BMP6: variants seen among roughly 807,000 people sequenced by gnomAD.
The protein encoded by BMP6 is VG-1-R.
BMP6 carries 17 observed loss-of-function variants against 54.1 expected under a neutral mutation model. The ratio of observed to expected loss-of-function variants is 0.31; its 90% CI spans 0.22 to 0.47. BMP6 has a LOEUF of 0.47. BMP6 is among the 20% of genes least tolerant of loss of function. The pLI is 1.00. For missense variants in BMP6, 720 were observed against 690.4 expected (o/e 1.04, Z -0.48); for synonymous variants, 328 against 291.2 (o/e 1.13, Z -1.28).
At chr6:7,842,367 T>C (rs2113251050) in intron 1 of BMP6, among the ~76,000 whole-genome samples, 1 of 152,292 alleles carries the variant, frequency 6.6e-6, no homozygotes, top group East Asian at 1.9e-4. Context: ...ACAGTTTGTG[T>C]GTTCTGTCTC....
At chr6:7,752,609 A>G (rs951044553) in intron 1 of BMP6, among the ~76,000 whole-genome samples, 2 of 128,790 alleles carry the variant, frequency 1.6e-5, no homozygotes, top group Non-Finnish European at 1.6e-5. Flanking sequence ...TTAATGCTAT[A>G]TAATTTGTTG....
rs151317725 is a variant in BMP6 at position 7,781,735 on chromosome 6, A to G, written c.664+54116A>G. On this transcript the variant is annotated intron_variant, in intron 1 of 6. Transcript: ENST00000283147. ...ATGACAAACTGAGTGAAGTTCCCTG[A>G]ACGAGCAAAAGCCAGTAAGGAAGAC... is the stretch of plus-strand genomic sequence containing the variant. 3.8e-3 allele frequency among the ~76,000 whole-genome samples: 578 copies of G among 151,622 alleles called. 12 individuals carry two copies. The highest frequency in any genetic ancestry group is 0.023 in the East Asian group (120 of 5,180).
chr6:7,864,792 G>C (rs1055358009), intron 4 of BMP6, among the ~76,000 whole-genome samples: 1 of 152,186 alleles, frequency 6.6e-6, no homozygotes, highest in Admixed American at 6.5e-5. Context: ...GAAACAGTCA[G>C]GGTTGGGGTT....
At chr6:7,833,903 C>T (rs1758829872) in intron 1 of BMP6, among the ~76,000 whole-genome samples, 1 of 152,166 alleles carries the variant, frequency 6.6e-6, no homozygotes, top group Non-Finnish European at 1.5e-5. Flanking sequence ...TGCTAAAAAA[C>T]GACAAGATCC....
At chr6:7,841,833 A>G (rs768534625) in intron 1 of BMP6, among the ~76,000 whole-genome samples, 5 of 152,208 alleles carry the variant, frequency 3.3e-5, no homozygotes, top group Non-Finnish European at 7.3e-5. Context: ...TGGTAGAGGA[A>G]AAATTGGAAA....
chr6:7,767,834 C>T (rs1757715295), intron 1 of BMP6, among the ~76,000 whole-genome samples: 1 of 152,058 alleles, frequency 6.6e-6, no homozygotes, highest in South Asian at 2.1e-4. Context: ...GACATGATAT[C>T]CTAGGTGAAA....
intron 1 of BMP6, among the ~76,000 whole-genome samples, chr6:7,833,979 TC>T (rs1370080037): frequency 6.6e-6 from 1 of 152,110 alleles, no homozygotes; most frequent in African/African-American, 2.4e-5. Flanking sequence ...CTTTCAGGAC[TC>T]CCCTGTGGGA....
intron 1 of BMP6, among the ~76,000 whole-genome samples, chr6:7,822,807 GA>G (rs1485992881): frequency 6.6e-6 from 1 of 152,094 alleles, no homozygotes; most frequent in African/African-American, 2.4e-5. Context: ...CAGCAATTCA[GA>G]GTGTTTTGGA....
chr6:7,825,909 G>T lies in BMP6; in HGVS notation c.665-19231G>T, dbSNP rs114117276. On this transcript the variant is annotated intron_variant, in intron 1 of 6. Coordinates refer to ENST00000283147, the MANE Select transcript of BMP6 (RefSeq NM_001718.6). ...TCTTCTTCCCTATCGGCATTTTGAG[G>T]CAGGGACACACTACAGCAAAATCAG... 7.8e-3 allele frequency among the ~76,000 whole-genome samples: 1,187 copies of T among 152,240 alleles called. 13 individuals are homozygous for T. The highest frequency in any genetic ancestry group is 0.027 in the African/African-American group (1,122 of 41,532).
At position 7,879,061 on chromosome 6, in the gene BMP6, TCTC is replaced by T. The variant is rs780193172; in HGVS notation, c.1205-8_1205-6del. 1.2e-6 allele frequency: 2 copies of T among 1,612,238 alleles called. No individual in the cohort carries two copies. Among genetic ancestry groups the T allele is most frequent in the Admixed American group, 1.7e-5 (1 of 60,012 alleles). On this transcript the variant is annotated splice_polypyrimidine_tract_variant and intron_variant, in intron 4 of 6. Transcript: ENST00000283147. ...ATCTTTTGATGGGTGCATCTTTTGA[TCTC>T]CTCCAACAGATTACAACAGCAGTGA... is the stretch of plus-strand genomic sequence containing the variant.
intron 1 of BMP6, among the ~76,000 whole-genome samples, chr6:7,833,390 T>C (rs1205890323): frequency 6.6e-6 from 1 of 152,076 alleles, no homozygotes; most frequent in Non-Finnish European, 1.5e-5. Flanking sequence ...ATTGGGCAAT[T>C]TAGGGTGGCA....
chr6:7,832,755 C>T (rs1758811764), intron 1 of BMP6, among the ~76,000 whole-genome samples: 1 of 146,782 alleles, frequency 6.8e-6, no homozygotes, highest in South Asian at 2.3e-4. Context: ...GACGTAGGGG[C>T]ACCAAGCCTT....
intron 1 of BMP6, among the ~76,000 whole-genome samples, chr6:7,826,676 T>C (rs1242456962): frequency 6.6e-6 from 1 of 152,214 alleles, no homozygotes; most frequent in Non-Finnish European, 1.5e-5. Flanking sequence ...TTCTTTTGAC[T>C]ACTTATTGCC....
intron 1 of BMP6, among the ~76,000 whole-genome samples, chr6:7,780,713 T>C (rs1285791226): frequency 3.3e-5 from 5 of 151,914 alleles, no homozygotes; most frequent in African/African-American, 1.2e-4. Context: ...TTTATTGTTA[T>C]TATTATCATT....
intron 1 of BMP6, among the ~76,000 whole-genome samples, chr6:7,794,204 T>C (rs1758157834): frequency 6.6e-6 from 1 of 152,172 alleles, no homozygotes; most frequent in South Asian, 2.1e-4. Flanking sequence ...ACCTATTACT[T>C]ATCAAGGGTC....
chr6:7,816,713 A>G (rs1032178231), intron 1 of BMP6, among the ~76,000 whole-genome samples: 3 of 152,150 alleles, frequency 2.0e-5, no homozygotes, highest in African/African-American at 7.2e-5. Context: ...AGTGCACAGC[A>G]GAGTATACTT....
intron 1 of BMP6, among the ~76,000 whole-genome samples, chr6:7,796,659 C>T (rs1758194331): frequency 6.6e-6 from 1 of 151,920 alleles, no homozygotes; most frequent in Non-Finnish European, 1.5e-5. Flanking sequence ...TTCTATTTTG[C>T]CAGAAAAAAA....
chr6:7,739,921 C>T (rs1203096121), intron 1 of BMP6, among the ~76,000 whole-genome samples: 1 of 152,166 alleles, frequency 6.6e-6, no homozygotes, highest in Non-Finnish European at 1.5e-5. Context: ...ACAACACTGC[C>T]TGCTCACTCT....
intron 1 of BMP6, among the ~76,000 whole-genome samples, chr6:7,808,885 G>GCC (rs1347850641): frequency 7.2e-6 from 1 of 138,650 alleles, no homozygotes; most frequent in Non-Finnish European, 1.5e-5. Flanking sequence ...CTGCACTCCA[G>GCC]CCTGGGCAAC....
Sources: gnomAD v4.1 joint callset for allele counts (sites outside exome capture counted in the v4.1 genomes callset) on GRCh38, gnomAD v4.1.1 for gene constraint, MANE v1.5 for transcripts, NCBI Gene and HGNC (gene_info 2026-07-23, HGNC 2026-07-21) for gene names.